Variants in XPNPEP3 observed in about 807,000 individuals in gnomAD.
XPNPEP3 encodes the protein X-prolyl aminopeptidase 3.
Under a neutral mutation model 60.0 loss-of-function variants are expected in XPNPEP3, and 41 were observed. That is an observed-to-expected ratio of 0.68 (90% CI 0.53 to 0.89). The LOEUF (loss-of-function observed/expected upper bound fraction) is 0.89. Ranked by LOEUF, XPNPEP3 falls within the 40% of genes least tolerant of loss-of-function variation. The pLI, the probability that XPNPEP3 is intolerant of heterozygous loss-of-function variation, is 0.00. For missense variants in XPNPEP3, 598 were observed against 638.9 expected (o/e 0.94, Z 0.69); for synonymous variants, 212 against 223.2 (o/e 0.95, Z 0.45).
chr22:40,891,839 A>G (rs901571509), intron 4 of XPNPEP3, among the ~76,000 whole-genome samples: 40 of 152,290 alleles, frequency 2.6e-4, no homozygotes, highest in African/African-American at 9.4e-4. Flanking sequence ...GTTAAAAAGC[A>G]CCTCAACAGG....
intron 4 of XPNPEP3, among the ~76,000 whole-genome samples, chr22:40,906,100 GT>G (rs2058154358): frequency 6.6e-6 from 1 of 151,896 alleles, no homozygotes; most frequent in Admixed American, 6.6e-5. Context: ...CTGTTTGTTT[GT>G]TTGTTTGTTT....
chr22:40,864,824 A>C (rs1384800101), intron 1 of XPNPEP3, among the ~76,000 whole-genome samples: 3 of 152,016 alleles, frequency 2.0e-5, no homozygotes, highest in Non-Finnish European at 2.9e-5. Flanking sequence ...TTCCTATTTC[A>C]TTCTGTGATT....
intron 1 of XPNPEP3, among the ~76,000 whole-genome samples, chr22:40,864,379 A>G (rs1331673008): frequency 6.6e-6 from 1 of 152,166 alleles, no homozygotes; most frequent in Non-Finnish European, 1.5e-5. Flanking sequence ...GGAAGGTGAC[A>G]GTCTAGGAGA....
At chr22:40,923,573 T>C (rs959167981) in intron 8 of XPNPEP3, among the ~76,000 whole-genome samples, 2 of 152,092 alleles carry the variant, frequency 1.3e-5, no homozygotes, top group African/African-American at 4.8e-5. Flanking sequence ...CCAAGCTGGC[T>C]GGGCACAGTG....
chr22:40,896,576 G>A lies in XPNPEP3; in HGVS notation c.792+10061G>A, dbSNP rs551722562. ...AGCAACTTGGGAGGTGGAGGTTGCA[G>A]TGAGCCGAGATCATGCTATTGCACT... On this transcript the variant is annotated intron_variant, in intron 4 of 9. Coordinates refer to ENST00000357137, the MANE Select transcript of XPNPEP3 (RefSeq NM_022098.4). Among the ~76,000 whole-genome samples, 5 of 151,950 alleles carry A rather than the reference G, an allele frequency of 3.3e-5. No individual in the cohort carries two copies. In the South Asian group the frequency reaches 1.0e-3, roughly 32 times the overall value.
rs1188925881 is a variant in XPNPEP3 at position 40,882,039 on chromosome 22, C to A, written c.451C>A (p.Leu151Ile). 1 of 1,614,156 alleles carries A rather than the reference C, an allele frequency of 6.2e-7. No homozygotes were observed. The highest frequency in any genetic ancestry group is 8.5e-7 in the Non-Finnish European group (1 of 1,180,026). The change falls in exon 3 of 10, where the codon CTT (leucine) becomes ATT (isoleucine). Residue 151 changes from leucine (L) to isoleucine (I), a missense_variant. Coordinates refer to ENST00000357137, the MANE Select transcript of XPNPEP3 (RefSeq NM_022098.4). ...ACAATTACCATCACACAAAGCCATA[C>A]TTTTTGTGCCTCGGCGAGATCCCAG... ...GKQLPSHKAI[L>I]FVPRRDPSRE...
At chr22:40,870,051 C>G (rs779589130) in intron 2 of XPNPEP3, 4 of 470,942 alleles carry the variant, frequency 8.5e-6, no homozygotes, top group South Asian at 1.5e-5. Context: ...TCATCAGACT[C>G]GAATTCCTGC....
Position 40,926,611 on chromosome 22 carries a change from A to G in XPNPEP3, c.*176A>G. On this transcript the variant is annotated 3_prime_UTR_variant, in exon 10 of 10. Coordinates refer to ENST00000357137, the MANE Select transcript of XPNPEP3 (RefSeq NM_022098.4). ...GGGGGGTTTTTTGTTTTAAGTAGTT[A>G]GAAGTCTGGGAAAATGAATTTTTGA... 2.6e-6 allele frequency: 2 copies of G among 762,034 alleles called. No individual in the cohort carries two copies. The highest frequency in any genetic ancestry group is 4.4e-6 in the Non-Finnish European group (2 of 456,310). 47.2% of individuals were successfully genotyped at this position (762,034 alleles called of 1,614,324 possible).
intron 1 of XPNPEP3, chr22:40,859,778 T>A (rs564951283): frequency 6.6e-6 from 1 of 152,338 alleles, no homozygotes; most frequent in South Asian, 2.1e-4. Context: ...GTTGAATAAG[T>A]TTTAGTGCTG....
intron 4 of XPNPEP3, among the ~76,000 whole-genome samples, chr22:40,906,211 G>C (rs2058154873): frequency 6.6e-6 from 1 of 152,028 alleles, no homozygotes; most frequent in South Asian, 2.1e-4. Flanking sequence ...GAAGTGCTGG[G>C]TTACAGGTGT....
At chr22:40,905,862 G>A (rs1255555156) in intron 4 of XPNPEP3, among the ~76,000 whole-genome samples, 5 of 151,808 alleles carry the variant, frequency 3.3e-5, no homozygotes, top group South Asian at 2.1e-4. Context: ...GCACGATCTC[G>A]GCTCACTGCA....
chr22:40,920,183 C>G (rs983696620), intron 7 of XPNPEP3, among the ~76,000 whole-genome samples: 2 of 152,072 alleles, frequency 1.3e-5, no homozygotes, highest in African/African-American at 4.8e-5. Context: ...GCCTGGCCAA[C>G]ATGGCAGAAA....
intron 2 of XPNPEP3, 113 bp downstream of exon 2, chr22:40,869,228 C>G: frequency 1.1e-6 from 1 of 917,942 alleles, no homozygotes; most frequent in Non-Finnish European, 1.8e-6. Flanking sequence ...AAGGTAGCCA[C>G]TAACCTCACA....
intron 1 of XPNPEP3, chr22:40,861,297 A>G: frequency 6.2e-7 from 1 of 1,614,170 alleles, no homozygotes; most frequent in East Asian, 2.2e-5. Flanking sequence ...TTCTTTTGCA[A>G]AGCCCTCTTC....
intron 1 of XPNPEP3, chr22:40,861,292 T>C (rs1569011898): frequency 1.2e-6 from 2 of 1,614,182 alleles, no homozygotes; most frequent in Non-Finnish European, 8.5e-7. Context: ...CTGCATTCTT[T>C]TGCAAAGCCC....
Position 40,885,780 on chromosome 22 carries a change from G to A in XPNPEP3, c.590-533G>A, listed in dbSNP as rs555782809. Among the ~76,000 whole-genome samples, 3 of 152,238 alleles carry A rather than the reference G, an allele frequency of 2.0e-5. No individual in the cohort carries two copies. In the East Asian group the frequency reaches 5.8e-4, roughly 29 times the overall value. On this transcript the variant is annotated intron_variant, in intron 3 of 9. Transcript: ENST00000357137. ...CGGGTGGATCACAAGTCAGGAGTTC[G>A]AGACCAGCCTGACCAATATGGTGAA...
rs371949732 is a variant in XPNPEP3 at position 40,928,241 on chromosome 22, C to G, written c.*1806C>G. 3.0e-5 allele frequency: 4 copies of G among 133,388 alleles called. No individual in the cohort carries two copies. The highest frequency in any genetic ancestry group is 6.2e-5 in the Non-Finnish European group (4 of 64,910). The allele number at this position is 133,388 out of a possible 1,614,324, so 8.3% of individuals were successfully genotyped here. On this transcript the variant is annotated 3_prime_UTR_variant, in exon 10 of 10. Coordinates refer to ENST00000357137, the MANE Select transcript of XPNPEP3 (RefSeq NM_022098.4). ...TTTTGGAGACAGAGTCTCGCTCTGT[C>G]GCCTGGGCTGGATGGAGTGCAGTGG...
At chr22:40,916,125 C>G (rs1196350149) in intron 7 of XPNPEP3, among the ~76,000 whole-genome samples, 2 of 151,962 alleles carry the variant, frequency 1.3e-5, no homozygotes, top group Non-Finnish European at 2.9e-5. Flanking sequence ...AACCCTGTCT[C>G]TACTAAAAAT....
At chr22:40,873,547 G>A (rs1379412477) in intron 2 of XPNPEP3, among the ~76,000 whole-genome samples, 3 of 152,010 alleles carry the variant, frequency 2.0e-5, no homozygotes, top group South Asian at 2.1e-4. Flanking sequence ...AGCCAGGTGC[G>A]GTGGCTCACG....
Sources: allele counts gnomAD v4.1 joint callset (sites outside exome capture counted in the v4.1 genomes callset), GRCh38; gene constraint gnomAD v4.1.1; transcripts MANE v1.5; gene names NCBI Gene and HGNC (gene_info 2026-07-23, HGNC 2026-07-21).